The following GALNT13 variants were observed in gnomAD, a reference collection of about 807,000 sequenced individuals.
GALNT13 encodes the protein UDP-GalNAc:polypeptide N-acetylgalactosaminyltransferase 13.
In GALNT13, 28 loss-of-function variants were observed where a neutral mutation model predicts 64.2. That is an observed-to-expected ratio of 0.44 (90% CI 0.32 to 0.60). The LOEUF (loss-of-function observed/expected upper bound fraction) is 0.60. Among genes scored for constraint, GALNT13 ranks in the 20% least tolerant of loss-of-function variants. GALNT13 has a pLI of 0.05. For synonymous variants in GALNT13, 214 were observed against 224.6 expected, an observed-to-expected ratio of 0.95 and a Z score of 0.42; for missense variants, 577 against 669.8, an observed-to-expected ratio of 0.86 and a Z score of 1.53.
the GALNT13 span, among the ~76,000 whole-genome samples, chr2:153,863,677 T>C: frequency 6.6e-6 from 1 of 152,196 alleles, no homozygotes; most frequent in African/African-American, 2.4e-5. Flanking sequence ...TTCTAATGAA[T>C]TATTCATAAG....
chr2:153,338,132 CAATA>C, the GALNT13 span, among the ~76,000 whole-genome samples: 1 of 148,378 alleles, frequency 6.7e-6, no homozygotes, highest in Non-Finnish European at 1.5e-5. Flanking sequence ...TCTCTACAAA[CAATA>C]AAAAAAATTA....
At chr2:153,909,347 G>A (rs1688792597) in intron 2 of GALNT13, among the ~76,000 whole-genome samples, 1 of 152,016 alleles carries the variant, frequency 6.6e-6, no homozygotes, top group Non-Finnish European at 1.5e-5. Flanking sequence ...TGAGATTGTG[G>A]GGTTTTCTAG....
the GALNT13 span, among the ~76,000 whole-genome samples, chr2:153,707,232 T>C: frequency 1.3e-5 from 2 of 152,156 alleles, no homozygotes; most frequent in African/African-American, 4.8e-5. Context: ...AACGGACTAA[T>C]ACAAAGAGCT....
rs188716652 is a variant in GALNT13 at position 154,009,742 on chromosome 2, G to A, written c.142+65103G>A. The stretch of plus-strand genomic sequence containing the variant: ...TGACCTCAGGTGATCCACCCGCCTC[G>A]GCCTCCCAAGGTATGACCATTTTAA... On this transcript the variant is annotated intron_variant, in intron 3 of 12. Coordinates refer to ENST00000392825, the MANE Select transcript of GALNT13 (RefSeq NM_052917.4). Among the ~76,000 whole-genome samples, 52 of 152,022 alleles carry A rather than the reference G, an allele frequency of 3.4e-4. 1 individual carries two copies. The highest frequency in any genetic ancestry group is 3.2e-3 in the Admixed American group (49 of 15,264).
the GALNT13 span, among the ~76,000 whole-genome samples, chr2:153,398,481 C>A: frequency 2.6e-5 from 4 of 151,708 alleles, no homozygotes; most frequent in African/African-American, 9.7e-5. Flanking sequence ...TGTTCTAGAT[C>A]CCTGAGGAAT....
intron 3 of GALNT13, among the ~76,000 whole-genome samples, chr2:153,971,261 C>T (rs932150566): frequency 6.6e-6 from 1 of 152,030 alleles, no homozygotes; most frequent in Non-Finnish European, 1.5e-5. Context: ...GTAAATTGTT[C>T]CCCATCTCTA....
At chr2:153,462,635 C>T in the GALNT13 span, among the ~76,000 whole-genome samples, 1 of 152,078 alleles carries the variant, frequency 6.6e-6, no homozygotes, top group Non-Finnish European at 1.5e-5. Flanking sequence ...AAAGTCATTT[C>T]ACACTCACCT....
the GALNT13 span, among the ~76,000 whole-genome samples, chr2:153,228,305 A>G: frequency 2.1e-4 from 32 of 152,196 alleles, no homozygotes; most frequent in Non-Finnish European, 1.2e-4. Flanking sequence ...CTTCCTAACT[A>G]TGAAATTCTA....
chr2:153,364,623 C>G, the GALNT13 span, among the ~76,000 whole-genome samples: 2 of 152,088 alleles, frequency 1.3e-5, no homozygotes, highest in Admixed American at 6.6e-5. Context: ...CATGAATGGA[C>G]TCTCATTCAC....
At chr2:153,791,760 T>G in the GALNT13 span, among the ~76,000 whole-genome samples, 2 of 152,080 alleles carry the variant, frequency 1.3e-5, no homozygotes, top group African/African-American at 4.8e-5. Flanking sequence ...AGAACAAGAT[T>G]ATATCTTCTG....
chr2:154,313,293 T>C (rs1264513933), intron 9 of GALNT13, among the ~76,000 whole-genome samples: 1 of 148,386 alleles, frequency 6.7e-6, no homozygotes, highest in Non-Finnish European at 1.5e-5. Flanking sequence ...CTATTCACTT[T>C]AGAAATAGTT....
At chr2:153,478,461 C>T in the GALNT13 span, 4 of 1,613,602 alleles carry the variant, frequency 2.5e-6, no homozygotes, top group Admixed American at 5.0e-5. Flanking sequence ...CGTCGGTCAC[C>T]ACGGACGCCT....
At chr2:153,302,510 G>GT in the GALNT13 span, among the ~76,000 whole-genome samples, 2 of 151,844 alleles carry the variant, frequency 1.3e-5, no homozygotes, top group Non-Finnish European at 2.9e-5. Context: ...TTCACATTCC[G>GT]TAAGTTGTCG....
At chr2:153,750,621 T>C in the GALNT13 span, among the ~76,000 whole-genome samples, 1 of 151,838 alleles carries the variant, frequency 6.6e-6, no homozygotes, top group African/African-American at 2.4e-5. Context: ...ACGTTGCTCA[T>C]AGAGGCCACA....
chr2:154,037,108 CAT>C (rs1491508735), intron 3 of GALNT13, among the ~76,000 whole-genome samples: 2 of 151,906 alleles, frequency 1.3e-5, no homozygotes, highest in African/African-American at 4.8e-5. Flanking sequence ...TTTTATGTGA[CAT>C]ATGTTTATTT....
chr2:154,146,240 T>A (rs1683594880), intron 4 of GALNT13, among the ~76,000 whole-genome samples: 1 of 151,730 alleles, frequency 6.6e-6, no homozygotes, highest in East Asian at 1.9e-4. Context: ...ATTTGGGGGA[T>A]AATAACACTG....
chr2:153,543,719 A>G, the GALNT13 span, among the ~76,000 whole-genome samples: 4 of 152,222 alleles, frequency 2.6e-5, no homozygotes, highest in South Asian at 8.3e-4. Context: ...ACAGTACAAG[A>G]AACCGTCTTC....
chr2:154,447,615 G>A (rs936583903), intron 12 of GALNT13, among the ~76,000 whole-genome samples: 1 of 151,962 alleles, frequency 6.6e-6, no homozygotes, highest in African/African-American at 2.4e-5. Context: ...TTCTGGTTCA[G>A]ATGAACCACT....
At chr2:153,099,727 G>A in the GALNT13 span, among the ~76,000 whole-genome samples, 2 of 152,076 alleles carry the variant, frequency 1.3e-5, no homozygotes, top group East Asian at 1.9e-4. Context: ...AGTTCTTATG[G>A]ATGTATCTCT....
Sources: allele counts gnomAD v4.1 joint callset (sites outside exome capture counted in the v4.1 genomes callset), GRCh38; gene constraint gnomAD v4.1.1; transcripts MANE v1.5; gene names NCBI Gene and HGNC (gene_info 2026-07-23, HGNC 2026-07-21).